EP300: variants seen among roughly 807,000 people sequenced by gnomAD.
EP300 encodes the protein EP300 lysine acetyltransferase.
In EP300, 31 loss-of-function variants were observed where a neutral mutation model predicts 264.0. The observed-to-expected ratio is 0.12, with a 90% CI of 0.09 to 0.16. The LOEUF is 0.16. Among genes scored for constraint, EP300 ranks in the 10% least tolerant of loss-of-function variants. EP300 has a pLI of 1.00. For synonymous variants in EP300, 1,340 were observed against 1,045.4 expected, an observed-to-expected ratio of 1.28 and a Z score of -5.44; for missense variants, 2,766 against 3,052.9, an observed-to-expected ratio of 0.91 and a Z score of 2.21.
Position 41,177,668 on chromosome 22 carries a change from C to T in EP300, c.5957C>T (p.Pro1986Leu), listed in dbSNP as rs144626200. 199 of 1,613,932 alleles carry T rather than the reference C, an allele frequency of 1.2e-4. No homozygotes were observed. The East Asian group carries it at 1.9e-3, about 15-fold the overall frequency. Residue 1986 changes from proline to leucine, a missense_variant, in exon 31 of 31, where the codon CCG (proline) becomes CTG (leucine). Coordinates refer to ENST00000263253, the MANE Select transcript of EP300 (RefSeq NM_001429.4). ...GGGCATTTGGAGCCAGGGATGGGAC[C>T]GACAGGGATGCAGCAACAGCCACCC... Reference protein sequence around the residue: ...PSGHLEPGMGPTGMQQQPPWS... With the variant: ...PSGHLEPGMGLTGMQQQPPWS...
At chr22:41,135,687 CAATT>C (rs1328554520) in intron 6 of EP300, 122 bp from the exon 7 acceptor site, 18 of 719,554 alleles carry the variant, frequency 2.5e-5, no homozygotes, top group Non-Finnish European at 4.4e-5. Context: ...GTTATATTGT[CAATT>C]ATTTATTGTA....
At chr22:41,166,840 A>T (rs1213332606) in intron 23 of EP300, among the ~76,000 whole-genome samples, 174 bp downstream of exon 23, 1 of 152,204 alleles carries the variant, frequency 6.6e-6, no homozygotes, top group African/African-American at 2.4e-5. Flanking sequence ...AATTTATTAG[A>T]CCAAAGAAAA....
At chr22:41,176,123 G>A in intron 29 of EP300, 124 bp from the exon 30 acceptor site, 2 of 1,104,388 alleles carry the variant, frequency 1.8e-6, no homozygotes, top group South Asian at 1.4e-5. Flanking sequence ...AGGAGGCCAT[G>A]GTGGGATAAT....
At chr22:41,157,968 G>A (rs1218578286) in intron 18 of EP300, among the ~76,000 whole-genome samples, 1 of 152,240 alleles carries the variant, frequency 6.6e-6, no homozygotes, top group Non-Finnish European at 1.5e-5. Flanking sequence ...ATCTGGAGTA[G>A]GGGCATTCTT....
intron 4 of EP300, among the ~76,000 whole-genome samples, chr22:41,129,454 GCTAA>G (rs925373734): frequency 2.0e-5 from 3 of 152,200 alleles, no homozygotes; most frequent in Admixed American, 1.3e-4. Context: ...TTGAGGGTTT[GCTAA>G]CTGTCATGTA....
At position 41,155,232 on chromosome 22, in the gene EP300, T is replaced by G. The variant is rs887519441; in HGVS notation, c.3261+119T>G. 49 of 917,372 alleles carry G rather than the reference T, an allele frequency of 5.3e-5. No individual in the cohort carries two copies. The African/African-American group carries it at 6.1e-4, about 12-fold the overall frequency. 56.8% of individuals were successfully genotyped at this position (917,372 alleles called of 1,614,324 possible). ...TTCAAATTTGTAATTCAGTGATTTT[T>G]TTTTTTTCCCCCTGAGACAGGGTCT... On this transcript the variant is annotated intron_variant, in intron 17 of 30. Coordinates refer to ENST00000263253, the MANE Select transcript of EP300 (RefSeq NM_001429.4).
intron 1 of EP300, among the ~76,000 whole-genome samples, chr22:41,094,135 T>C (rs1158573117): frequency 6.6e-6 from 1 of 152,228 alleles, no homozygotes; most frequent in Non-Finnish European, 1.5e-5. Context: ...TTTAATGGTG[T>C]TATCCTGATG....
At chr22:41,147,073 G>A (rs972799736) in intron 11 of EP300, among the ~76,000 whole-genome samples, 1 of 152,096 alleles carries the variant, frequency 6.6e-6, no homozygotes, top group Admixed American at 6.5e-5. Context: ...GGGAGGCCGA[G>A]GCTGGTGTAC....
chr22:41,148,976 T>C (rs1601618760), intron 12 of EP300, 62 bp from the exon 13 acceptor site: 29 of 1,610,436 alleles, frequency 1.8e-5, no homozygotes, highest in Non-Finnish European at 2.5e-5. Flanking sequence ...TTGATGATTT[T>C]AGTTATAGTA....
chr22:41,169,107 G>A, intron 25 of EP300: 1 of 605,230 alleles, frequency 1.7e-6, no homozygotes, highest in Middle Eastern at 4.5e-4. Context: ...ACCTGAAATT[G>A]GAATTTGAAA....
At position 41,157,228 on chromosome 22, in the gene EP300, C is replaced by T. The variant is rs1177303075; in HGVS notation, c.3321C>T (p.Asp1107=). ...TTTCTACCATTAAGAGGAAGTTAGA[C>T]ACTGGACAGTATCAGGAGCCCTGGC... is the stretch of plus-strand genomic sequence containing the variant. The part of the protein sequence containing the change: ...MDLSTIKRKL[D]TGQYQEPWQY... Residue 1107 remains aspartate (D), a synonymous_variant, in exon 18 of 31, where the codon GAC becomes GAT. Transcript: ENST00000263253. The T allele has an allele frequency of 6.2e-7, 1 of 1,614,110 alleles. No individual in the cohort carries two copies. The highest frequency in any genetic ancestry group is 8.5e-7 in the Non-Finnish European group (1 of 1,179,972).
rs1166498480 is a variant in EP300 at position 41,177,870 on chromosome 22, C to G, written c.6159C>G (p.Asn2053Lys). The G allele has an allele frequency of 6.2e-7, 1 of 1,614,198 alleles. No homozygotes were observed. The highest frequency in any genetic ancestry group is 1.1e-5 in the South Asian group (1 of 91,090). ...CTGTGTCTCAACAAGCCTTACAAAA[C>G]CTTTTGCGGACTCTCAGGTCTCCCA... ...PGTVSQQALQ[N>K]LLRTLRSPSS... The change falls in exon 31 of 31, where the codon AAC becomes AAG. Residue 2053 changes from asparagine to lysine, a missense_variant. Coordinates refer to ENST00000263253, the MANE Select transcript of EP300 (RefSeq NM_001429.4).
chr22:41,140,516 G>A (rs750166493), intron 9 of EP300, among the ~76,000 whole-genome samples: 5 of 152,066 alleles, frequency 3.3e-5, no homozygotes, highest in Non-Finnish European at 7.4e-5. Context: ...CTAAAAAGTG[G>A]CTGAGCTGGC....
intron 2 of EP300, among the ~76,000 whole-genome samples, chr22:41,123,693 GTGA>G (rs1188179585): frequency 6.6e-6 from 1 of 152,200 alleles, no homozygotes; most frequent in Non-Finnish European, 1.5e-5. Flanking sequence ...GTTTCTAGTA[GTGA>G]TGATGACTTG....
Position 41,117,821 on chromosome 22 carries a change from G to A in EP300, c.729G>A (p.Lys243=), listed in dbSNP as rs2058830124. The A allele has an allele frequency of 1.2e-6, 2 of 1,613,816 alleles. No homozygotes were observed. Among genetic ancestry groups the A allele is most frequent in the Non-Finnish European group, 1.7e-6 (2 of 1,180,036 alleles). ...QTGLRGPQPL[K]MGMMNNPNPY... ...GATTGAGAGGCCCCCAGCCTCTTAA[G>A]GTAAGTACAGTTTTGGTTTGTGTGC... Residue 243 remains lysine (K), a splice_region_variant and synonymous_variant, in exon 2 of 31, where the codon AAG becomes AAA. Coordinates refer to ENST00000263253, the MANE Select transcript of EP300 (RefSeq NM_001429.4).
At chr22:41,123,922 T>C (rs1156780450) in intron 2 of EP300, among the ~76,000 whole-genome samples, 1 of 152,216 alleles carries the variant, frequency 6.6e-6, no homozygotes, top group Non-Finnish European at 1.5e-5. Flanking sequence ...CCAGGTGAAC[T>C]TAACATAAAT....
rs143660871 is a variant in EP300 at position 41,160,675 on chromosome 22, C to T, written c.3624C>T (p.Ile1208=). 48 of 1,613,922 alleles carry T rather than the reference C, an allele frequency of 3.0e-5. No individual in the cohort carries two copies. The highest frequency in any genetic ancestry group is 3.6e-5 in the Non-Finnish European group (42 of 1,179,986). ...YHFCEKCFNE[I]QGESVSLGDD... ...TCTGTGAGAAGTGTTTCAATGAGAT[C>T]CAAGGGGAGAGCGTTTCTTTGGGGG... Residue 1208 remains isoleucine (I), a synonymous_variant, in exon 20 of 31, where the codon ATC becomes ATT. Coordinates refer to ENST00000263253, the MANE Select transcript of EP300 (RefSeq NM_001429.4).
intron 13 of EP300, 54 bp downstream of exon 13, chr22:41,149,229 G>A (rs2145736398): frequency 1.2e-6 from 2 of 1,607,612 alleles, no homozygotes; most frequent in South Asian, 1.1e-5. Flanking sequence ...AACTTCTCTT[G>A]ATGTAGGTTT....
chr22:41,092,984 G>T lies in EP300; in HGVS notation c.-21G>T, dbSNP rs1386805021. On this transcript the variant is annotated 5_prime_UTR_variant, in exon 1 of 31. Coordinates refer to ENST00000263253, the MANE Select transcript of EP300 (RefSeq NM_001429.4). ...CTGAGGATTCTGGTTTTCCTCGCTT[G>T]TATCTCCGAAAGAATTAAAAATGGC... The T allele has an allele frequency of 1.9e-6, 3 of 1,613,660 alleles. No homozygotes were observed. Among genetic ancestry groups the T allele is most frequent in the Admixed American group, 3.3e-5 (2 of 60,006 alleles).
Sources: allele counts gnomAD v4.1 joint callset (sites outside exome capture counted in the v4.1 genomes callset), GRCh38; gene constraint gnomAD v4.1.1; transcripts MANE v1.5; gene names NCBI Gene and HGNC (gene_info 2026-07-23, HGNC 2026-07-21).